DDX25: variants seen among roughly 807,000 people sequenced by gnomAD.
DDX25 encodes DEAD-box helicase 25, also known as ATP-dependent RNA helicase DDX25.
In DDX25, 70 loss-of-function variants were observed where a neutral mutation model predicts 64.6. That is an observed-to-expected ratio of 1.08 (90% CI 0.89 to 1.32). The LOEUF is 1.32. Among genes scored for constraint, DDX25 ranks in the 40% most tolerant of loss-of-function variants. DDX25 has a pLI of 0.00. For synonymous variants in DDX25, 211 were observed against 213.3 expected (o/e 0.99, Z 0.09); for missense variants, 587 against 604.4 (o/e 0.97, Z 0.30).
intron 10 of DDX25, among the ~76,000 whole-genome samples, chr11:125,920,589 G>A (rs1945097234): frequency 6.6e-6 from 1 of 152,178 alleles, no homozygotes. Context: ...TTGCAGTCTT[G>A]AATTGCTTGT....
chr11:125,904,352 G>T, upstream of DDX25: 1 of 532,200 alleles, frequency 1.9e-6, no homozygotes, highest in Non-Finnish European at 2.9e-6. Flanking sequence ...CGCCCCTTCC[G>T]CGCGCCACCC....
intron 4 of DDX25, among the ~76,000 whole-genome samples, chr11:125,907,399 G>C (rs1340734019): frequency 6.6e-6 from 1 of 152,128 alleles, no homozygotes; most frequent in Non-Finnish European, 1.5e-5. Context: ...ACGAGGTCAG[G>C]AGATCGAGAC....
rs1945184479 is a variant in DDX25 at position 125,928,228 on chromosome 11, T to C, written c.*5347T>C. 1 of 152,236 alleles carries C rather than the reference T, an allele frequency of 6.6e-6. No individual in the cohort carries two copies. Among genetic ancestry groups the C allele is most frequent in the South Asian group, 2.1e-4 (1 of 4,830 alleles). 9.4% of individuals were successfully genotyped at this position (152,236 alleles called of 1,614,324 possible). Reference sequence around the variant, plus strand: ...GTCCTGTTCTTAATATAAACATCTGTGGTTAATTATAGTATTATATCTTTT... The same window carrying C: ...GTCCTGTTCTTAATATAAACATCTGCGGTTAATTATAGTATTATATCTTTT... On this transcript the variant is annotated 3_prime_UTR_variant, in exon 12 of 12. Coordinates refer to ENST00000263576, the MANE Select transcript of DDX25 (RefSeq NM_013264.5).
In DDX25 at chr11:125,925,456, G is replaced by A. The variant is rs569566063; in HGVS notation, c.*2575G>A. The A allele has an allele frequency of 2.2e-6, 1 of 456,220 alleles. No individual in the cohort carries two copies. Among genetic ancestry groups the A allele is most frequent in the Admixed American group, 2.3e-5 (1 of 42,586 alleles). The allele number at this position is 456,220 out of a possible 1,614,324, so 28.3% of individuals were successfully genotyped here. ...CAATCCAAAGGCTGTTTTTTGCAGGGTGCAGCTCCTGTCAGAGCTGTAAGC... is the reference window on the plus strand; with the variant it reads ...CAATCCAAAGGCTGTTTTTTGCAGGATGCAGCTCCTGTCAGAGCTGTAAGC... On this transcript the variant is annotated 3_prime_UTR_variant, in exon 12 of 12. Transcript: ENST00000263576.
chr11:125,906,201 G>T lies in DDX25; in HGVS notation c.303G>T (p.Glu101Asp). 6.5e-7 allele frequency: 1 copy of T among 1,535,338 alleles called. No homozygotes were observed. Among genetic ancestry groups the T allele is most frequent in the South Asian group, 1.3e-5 (1 of 79,836 alleles). ...SPLYSVKTFEELRLKEELLKG... is the reference protein window; with the variant it reads ...SPLYSVKTFEDLRLKEELLKG... ...TTTACTCAGTAAAGACATTTGAAGA[G>T]CTGCGGCTGTGAGTATTTTTACTCT... Residue 101 changes from glutamate (E) to aspartate (D), a missense_variant, in exon 4 of 12, where the codon GAG becomes GAT. Coordinates refer to ENST00000263576, the MANE Select transcript of DDX25 (RefSeq NM_013264.5).
At chr11:125,920,762 C>G (rs1201740704) in intron 10 of DDX25, among the ~76,000 whole-genome samples, 2 of 152,058 alleles carry the variant, frequency 1.3e-5, no homozygotes, top group Non-Finnish European at 2.9e-5. Context: ...AAGACCTGAC[C>G]AGGACAGTAG....
Position 125,917,032 on chromosome 11 carries a change from C to T in DDX25, c.819C>T (p.Cys273=). The T allele has an allele frequency of 2.5e-6, 4 of 1,599,696 alleles. No individual in the cohort carries two copies. The highest frequency in any genetic ancestry group is 3.4e-6 in the Non-Finnish European group (4 of 1,173,128). Residue 273 remains cysteine, a synonymous_variant, in exon 9 of 12, where the codon TGC becomes TGT. Coordinates refer to ENST00000263576, the MANE Select transcript of DDX25 (RefSeq NM_013264.5). ...ATCACAGAGCTCTACCCTCCGAATG[C>T]CAAATGCTCCTCTTTTCAGCAACCT... ...IRIQRALPSE[C]QMLLFSATFE... is the part of the protein sequence containing the mutation.
Position 125,917,258 on chromosome 11 carries a change from T to G in DDX25, c.1038+7T>G. 1 of 1,591,820 alleles carries G rather than the reference T, an allele frequency of 6.3e-7. No homozygotes were observed. The highest frequency in any genetic ancestry group is 8.6e-7 in the Non-Finnish European group (1 of 1,169,370). On this transcript the variant is annotated splice_region_variant and intron_variant, in intron 9 of 11. Transcript: ENST00000263576. ...GGCCATCATCTTCTGCCAGGTACAC[T>G]CTGTGGATGTGTCTTCATCGAGCCC... is the stretch of plus-strand genomic sequence containing the variant.
chr11:125,909,079 C>T (rs1944932318), intron 6 of DDX25, among the ~76,000 whole-genome samples: 1 of 152,142 alleles, frequency 6.6e-6, no homozygotes, highest in Non-Finnish European at 1.5e-5. Context: ...GTGGCTGAGT[C>T]AAGACTGGCA....
In DDX25 at chr11:125,925,524, C is replaced by T. The variant is rs1348613348; in HGVS notation, c.*2643C>T. The T allele has an allele frequency of 2.2e-6, 1 of 455,478 alleles. No homozygotes were observed. The highest frequency in any genetic ancestry group is 4.4e-6 in the Non-Finnish European group (1 of 226,368). The allele number at this position is 455,478 out of a possible 1,614,324, so 28.2% of individuals were successfully genotyped here. A position where few individuals can be genotyped will look rare whatever the true frequency, so the allele number is the denominator to read the frequency against. Reference sequence around the variant, plus strand: ...GCATGGCCTGGCCAAGGTCATCTCTCTCAGTGCCTGCCTGAGGACAGAGTA... The same window carrying T: ...GCATGGCCTGGCCAAGGTCATCTCTTTCAGTGCCTGCCTGAGGACAGAGTA... On this transcript the variant is annotated 3_prime_UTR_variant, in exon 12 of 12. Coordinates refer to ENST00000263576, the MANE Select transcript of DDX25 (RefSeq NM_013264.5).
chr11:125,916,883 C>G, intron 8 of DDX25, 131 bp from the exon 9 acceptor site: 1 of 824,160 alleles, frequency 1.2e-6, no homozygotes, highest in Non-Finnish European at 1.9e-6. Flanking sequence ...CCTGGAGATA[C>G]AGCTGGTCAT....
At chr11:125,903,957 G>C (rs955788382), upstream of DDX25, among the ~76,000 whole-genome samples, 2 of 152,142 alleles carry the variant, frequency 1.3e-5, no homozygotes, top group African/African-American at 2.4e-5. Flanking sequence ...CAGGTATCTA[G>C]GGCAGGAACA....
At position 125,923,043 on chromosome 11, in the gene DDX25, A is replaced by G; in HGVS notation, c.*162A>G. On this transcript the variant is annotated 3_prime_UTR_variant, in exon 12 of 12. Coordinates refer to ENST00000263576, the MANE Select transcript of DDX25 (RefSeq NM_013264.5). Reference sequence around the variant, plus strand: ...AGTTTTAAGACATGAGGTCTTTTTGAAGCCAAATTGATGTGAAGCTTGTGA... The same window carrying G: ...AGTTTTAAGACATGAGGTCTTTTTGGAGCCAAATTGATGTGAAGCTTGTGA... The G allele has an allele frequency of 1.7e-6, 1 of 602,110 alleles. No homozygotes were observed. Among genetic ancestry groups the G allele is most frequent in the Non-Finnish European group, 2.9e-6 (1 of 346,500 alleles). The allele number at this position is 602,110 out of a possible 1,614,324, so 37.3% of individuals were successfully genotyped here. A position where few individuals can be genotyped will look rare whatever the true frequency, so the allele number is the denominator to read the frequency against.
At chr11:125,922,474 G>T (rs925114246) in intron 11 of DDX25, 2 of 223,288 alleles carry the variant, frequency 9.0e-6, no homozygotes, top group African/African-American at 4.5e-5. Flanking sequence ...AACTGGGGAG[G>T]ACAGGGTGAG....
At chr11:125,920,669 G>A (rs1193256772) in intron 10 of DDX25, among the ~76,000 whole-genome samples, 4 of 152,138 alleles carry the variant, frequency 2.6e-5, no homozygotes, top group African/African-American at 4.8e-5. Context: ...GGTGACCATC[G>A]TAGGAGAGAT....
chr11:125,920,705 G>A (rs904661869), intron 10 of DDX25, among the ~76,000 whole-genome samples: 7 of 152,156 alleles, frequency 4.6e-5, no homozygotes, highest in Non-Finnish European at 8.8e-5. Context: ...AGAGAGTGGT[G>A]AGAAACCAGT....
intron 2 of DDX25, 80 bp downstream of exon 2, chr11:125,905,358 G>GA (rs1424474747): frequency 6.8e-7 from 1 of 1,474,172 alleles, no homozygotes; most frequent in African/African-American, 1.4e-5. Context: ...CCTGCCAAGT[G>GA]AAACACCGCG....
chr11:125,927,250 T>C lies in DDX25; in HGVS notation c.*4369T>C, dbSNP rs2134290255. 6.6e-6 allele frequency: 1 copy of C among 152,376 alleles called. No homozygotes were observed. Among genetic ancestry groups the C allele is most frequent in the Admixed American group, 6.5e-5 (1 of 15,302 alleles). 9.4% of individuals were successfully genotyped at this position (152,376 alleles called of 1,614,324 possible). On this transcript the variant is annotated 3_prime_UTR_variant, in exon 12 of 12. Transcript: ENST00000263576. ...TTGGCTGAGAGATGTCCCATGGTGT[T>C]TGGCAAACCCACGGAGGGGCCCACA... is the stretch of plus-strand genomic sequence containing the variant.
Position 125,906,138 on chromosome 11 carries a change from C to T in DDX25, c.240C>T (p.His80=). 1.9e-6 allele frequency: 3 copies of T among 1,551,322 alleles called. No homozygotes were observed. Among genetic ancestry groups the T allele is most frequent in the South Asian group, 2.4e-5 (2 of 83,942 alleles). ...ATCAATCCTTAGTAGAATCCAGTCA[C>T]CGTGTGGAAGTTTTACAGAAGGATC... ...LIHQSLVESS[H]RVEVLQKDPS... is the part of the protein sequence containing the mutation. Residue 80 remains histidine, a synonymous_variant, in exon 4 of 12, where the codon CAC becomes CAT. Transcript: ENST00000263576.
Sources: allele counts gnomAD v4.1 joint callset (sites outside exome capture counted in the v4.1 genomes callset), GRCh38; gene constraint gnomAD v4.1.1; transcripts MANE v1.5; gene names NCBI Gene and HGNC (gene_info 2026-07-23, HGNC 2026-07-21).